Variants in APP observed in about 807,000 individuals in gnomAD.
APP encodes the protein amyloid beta precursor protein, also known as amyloid-beta precursor protein.
A neutral mutation model predicts 101.4 loss-of-function variants in APP; 31 were observed. The observed-to-expected ratio is 0.31, with a 90% CI of 0.23 to 0.41. The LOEUF (loss-of-function observed/expected upper bound fraction) is 0.41. Ranked by LOEUF, APP falls within the 10% of genes least tolerant of loss-of-function variation. The pLI is 1.00. For missense variants in APP, 839 were observed against 1,003.7 expected (o/e 0.84, Z 2.22); for synonymous variants, 366 against 364.4 (o/e 1.00, Z -0.05).
chr21:25,910,229 G>C (rs2039001175), intron 14 of APP, among the ~76,000 whole-genome samples: 1 of 151,766 alleles, frequency 6.6e-6, no homozygotes, highest in Admixed American at 6.6e-5. Flanking sequence ...CCGGGTTCAT[G>C]CCATTCTCCT....
rs558615448 is a variant in APP at position 26,016,962 on chromosome 21, G to A, written c.865+4878C>T. Among the ~76,000 whole-genome samples the A allele has an allele frequency of 7.3e-4, 104 of 142,914 alleles. 2 individuals are homozygous for A. The highest frequency in any genetic ancestry group is 1.4e-3 in the Non-Finnish European group (91 of 66,402). The allele number at this position is 142,914 out of a possible 152,430, so 93.8% of individuals were successfully genotyped here. On this transcript the variant is annotated intron_variant, in intron 6 of 17. Coordinates refer to ENST00000346798, the MANE Select transcript of APP (RefSeq NM_000484.4). ...CGGGGGGCGGGGGGCGGGGGGTGCC[G>A]CCAAGGTGGGCAGATCATGAGGTCA...
At chr21:25,949,096 A>T (rs1015658299) in intron 13 of APP, among the ~76,000 whole-genome samples, 15 of 152,206 alleles carry the variant, frequency 9.9e-5, no homozygotes, top group South Asian at 2.1e-4. Context: ...ATAACTTTTT[A>T]AAAAATAAAA....
At chr21:26,137,278 G>A (rs138326863) in intron 1 of APP, among the ~76,000 whole-genome samples, 21 of 152,232 alleles carry the variant, frequency 1.4e-4, no homozygotes, top group African/African-American at 4.1e-4. Flanking sequence ...TCAGAGGTGC[G>A]CCAGTATTTG....
chr21:25,983,449 A>C (rs894309606), intron 8 of APP, among the ~76,000 whole-genome samples: 4 of 152,202 alleles, frequency 2.6e-5, no homozygotes, highest in African/African-American at 9.6e-5. Context: ...TGTGTATTAC[A>C]TTTGGGATAT....
chr21:26,144,900 G>C (rs1302688931), intron 1 of APP, among the ~76,000 whole-genome samples: 2 of 152,182 alleles, frequency 1.3e-5, no homozygotes, highest in African/African-American at 4.8e-5. Context: ...TATGCTTCCA[G>C]TACTTTCAAA....
At chr21:26,044,665 G>C (rs556854287) in intron 5 of APP, among the ~76,000 whole-genome samples, 1 of 151,948 alleles carries the variant, frequency 6.6e-6, no homozygotes, top group Non-Finnish European at 1.5e-5. Flanking sequence ...TCAGCCTCCC[G>C]AGTAGCTGGG....
At chr21:26,147,012 T>C (rs1264337999) in intron 1 of APP, among the ~76,000 whole-genome samples, 1 of 152,238 alleles carries the variant, frequency 6.6e-6, no homozygotes. Flanking sequence ...TTCCAATATA[T>C]GCACAACTTT....
rs1255068289 is a variant in APP at position 25,975,239 on chromosome 21, A to G, written c.1300-11T>C. Reference sequence around the variant, plus strand: ...TTTCTCCTGGAAATGCTGCCATCATAAACACATATGTCCATGGGGACTGAA... The same window carrying G: ...TTTCTCCTGGAAATGCTGCCATCATGAACACATATGTCCATGGGGACTGAA... On this transcript the variant is annotated splice_polypyrimidine_tract_variant and intron_variant, in intron 10 of 17. Coordinates refer to ENST00000346798, the MANE Select transcript of APP (RefSeq NM_000484.4). The G allele has an allele frequency of 1.9e-6, 3 of 1,614,160 alleles. No homozygotes were observed. Among genetic ancestry groups the G allele is most frequent in the South Asian group, 2.2e-5 (2 of 91,090 alleles).
At position 25,909,393 on chromosome 21, in the gene APP, G is replaced by A. The variant is rs142751037; in HGVS notation, c.1909+2348C>T. 1.2e-4 allele frequency among the ~76,000 whole-genome samples: 18 copies of A among 152,080 alleles called. No homozygotes were observed. In the East Asian group the frequency reaches 3.1e-3, roughly 26 times the overall value. On this transcript the variant is annotated intron_variant, in intron 14 of 17. Transcript: ENST00000346798. ...GCAACTCAAGACTCTGACACTGCAA[G>A]TTCTATTGCCTCCCAAAATTGTTAT... is the stretch of plus-strand genomic sequence containing the variant.
intron 3 of APP, among the ~76,000 whole-genome samples, chr21:26,059,447 A>G (rs183724855): frequency 3.4e-4 from 52 of 152,278 alleles, no homozygotes; most frequent in African/African-American, 1.1e-3. Context: ...TCCTTGTGCT[A>G]TGGGCCCAGA....
intron 17 of APP, among the ~76,000 whole-genome samples, chr21:25,889,459 G>T (rs1357972012): frequency 6.6e-6 from 1 of 152,202 alleles, no homozygotes; most frequent in Non-Finnish European, 1.5e-5. Flanking sequence ...GAAGCCCGAG[G>T]AAGCCAAGTC....
chr21:26,048,182 G>T (rs1160329285), intron 5 of APP, among the ~76,000 whole-genome samples: 1 of 152,004 alleles, frequency 6.6e-6, no homozygotes, highest in East Asian at 1.9e-4. Context: ...AATTAGCTGG[G>T]CATGCTGGCA....
In APP at chr21:25,881,266, A is replaced by G. The variant is rs199765959; in HGVS notation, c.*404T>C. 2 of 265,458 alleles carry G rather than the reference A, an allele frequency of 7.5e-6. No individual in the cohort carries two copies. Among genetic ancestry groups the G allele is most frequent in the Non-Finnish European group, 1.5e-5 (2 of 135,716 alleles). 16.4% of individuals were successfully genotyped at this position (265,458 alleles called of 1,614,324 possible). Reference sequence around the variant, plus strand: ...GAAGCAGCTGAACTCCCACGTTCACATGAAGCATCCCCCATCGATTCTTAA... The same window carrying G: ...GAAGCAGCTGAACTCCCACGTTCACGTGAAGCATCCCCCATCGATTCTTAA... On this transcript the variant is annotated 3_prime_UTR_variant, in exon 18 of 18. Coordinates refer to ENST00000346798, the MANE Select transcript of APP (RefSeq NM_000484.4).
intron 1 of APP, among the ~76,000 whole-genome samples, chr21:26,158,911 T>C (rs1235106132): frequency 6.6e-6 from 1 of 152,180 alleles, no homozygotes. Flanking sequence ...TCTTTCTTCC[T>C]CCACTGGACT....
At chr21:26,131,067 TA>T (rs1333276648) in intron 1 of APP, among the ~76,000 whole-genome samples, 1 of 152,002 alleles carries the variant, frequency 6.6e-6, no homozygotes, top group East Asian at 1.9e-4. Context: ...CCTTCTCTAC[TA>T]AAAATATAAA....
intron 17 of APP, among the ~76,000 whole-genome samples, chr21:25,889,800 T>C (rs985967401): frequency 2.6e-4 from 40 of 151,942 alleles, no homozygotes; most frequent in African/African-American, 9.7e-4. Context: ...TGAGCGGAGA[T>C]CATGCCACTG....
chr21:26,160,144 C>T (rs1192725824), intron 1 of APP, among the ~76,000 whole-genome samples: 1 of 152,184 alleles, frequency 6.6e-6, no homozygotes, highest in Non-Finnish European at 1.5e-5. Flanking sequence ...ACCTGGAAAT[C>T]TCCCAGCTTC....
chr21:26,043,800 T>TC (rs1377893504), intron 5 of APP, among the ~76,000 whole-genome samples: 1 of 68 alleles, frequency 0.015, no homozygotes, highest in Non-Finnish European at 0.028. Context: ...AATTTTACCT[T>TC]TGAGTTCTGA....
intron 8 of APP, among the ~76,000 whole-genome samples, chr21:25,995,368 T>C (rs944893140): frequency 6.6e-6 from 1 of 152,234 alleles, no homozygotes; most frequent in East Asian, 1.9e-4. Flanking sequence ...TCTTAAAATG[T>C]GCTTCTGAAT....
Sources: gnomAD v4.1 joint callset for allele counts (sites outside exome capture counted in the v4.1 genomes callset) on GRCh38, gnomAD v4.1.1 for gene constraint, MANE v1.5 for transcripts, NCBI Gene and HGNC (gene_info 2026-07-23, HGNC 2026-07-21) for gene names.